Variants in NALF1 observed in about 807,000 individuals in gnomAD.
NALF1 encodes family with sequence similarity 155 member A.
In NALF1, 3 loss-of-function variants were observed where a neutral mutation model predicts 48.4. That is an observed-to-expected ratio of 0.06 (90% CI 0.03 to 0.16). The LOEUF is 0.16. NALF1 is among the 10% of genes least tolerant of loss of function. The pLI is 1.00. For missense variants in NALF1, 526 were observed against 571.5 expected (o/e 0.92, Z 0.81); for synonymous variants, 262 against 245.7 (o/e 1.07, Z -0.62).
At chr13:107,467,293 C>T (rs987548287) in intron 1 of NALF1, among the ~76,000 whole-genome samples, 17 of 109,434 alleles carry the variant, frequency 1.6e-4, no homozygotes, top group Non-Finnish European at 3.7e-4. Context: ...AAAATCTGTC[C>T]GATTTTGGCA....
chr13:107,753,977 A>G (rs1877012936), intron 1 of NALF1, among the ~76,000 whole-genome samples: 1 of 152,156 alleles, frequency 6.6e-6, no homozygotes, highest in Non-Finnish European at 1.5e-5. Flanking sequence ...TCCACGTGCT[A>G]AAAAGAGGTA....
intron 1 of NALF1, among the ~76,000 whole-genome samples, chr13:107,754,450 A>G (rs1010608292): frequency 2.0e-5 from 3 of 152,082 alleles, no homozygotes; most frequent in Admixed American, 6.6e-5. Flanking sequence ...GCAAAATTCC[A>G]AAGAGAAGCA....
chr13:107,368,590 G>T (rs1041563507), intron 1 of NALF1, among the ~76,000 whole-genome samples: 1 of 152,134 alleles, frequency 6.6e-6, no homozygotes, highest in Non-Finnish European at 1.5e-5. Flanking sequence ...GGCATGCCTC[G>T]GCTTGCAGCC....
chr13:107,747,330 A>T (rs1208549861), intron 1 of NALF1, among the ~76,000 whole-genome samples: 1 of 152,180 alleles, frequency 6.6e-6, no homozygotes, highest in Non-Finnish European at 1.5e-5. Flanking sequence ...ATCTTGTACA[A>T]CTAACTTCAA....
chr13:107,304,357 T>C (rs1245677288), intron 1 of NALF1, among the ~76,000 whole-genome samples: 1 of 152,224 alleles, frequency 6.6e-6, no homozygotes, highest in Admixed American at 6.5e-5. Flanking sequence ...AAACGAGAGA[T>C]GGAATTGTAA....
chr13:107,795,054 G>A (rs1418558834), intron 1 of NALF1, among the ~76,000 whole-genome samples: 1 of 152,058 alleles, frequency 6.6e-6, no homozygotes, highest in Non-Finnish European at 1.5e-5. Flanking sequence ...ATGTTTATTT[G>A]CATACAAAAG....
At chr13:107,433,202 T>A (rs920614619) in intron 1 of NALF1, among the ~76,000 whole-genome samples, 1 of 152,148 alleles carries the variant, frequency 6.6e-6, no homozygotes, top group African/African-American at 2.4e-5. Flanking sequence ...CAAATGGCCA[T>A]TTTGGTAATT....
At chr13:107,199,417 A>G (rs1483375624) in intron 2 of NALF1, among the ~76,000 whole-genome samples, 2 of 152,208 alleles carry the variant, frequency 1.3e-5, no homozygotes, top group Non-Finnish European at 2.9e-5. Flanking sequence ...ACTAACACAT[A>G]CACTAATTAC....
intron 1 of NALF1, among the ~76,000 whole-genome samples, chr13:107,305,782 A>G (rs183055383): frequency 6.6e-6 from 1 of 152,346 alleles, no homozygotes; most frequent in East Asian, 1.9e-4. Context: ...CTTTACACCT[A>G]AAATTCTAGA....
Position 107,678,309 on chromosome 13 carries a change from G to A in NALF1, c.915+187373C>T, listed in dbSNP as rs376514723. 4.6e-5 allele frequency among the ~76,000 whole-genome samples: 7 copies of A among 152,264 alleles called. No individual in the cohort carries two copies. In the East Asian group the frequency reaches 9.7e-4, roughly 21 times the overall value. On this transcript the variant is annotated intron_variant, in intron 1 of 2. Coordinates refer to ENST00000375915, the MANE Select transcript of NALF1 (RefSeq NM_001080396.3). ...AGGTGTGTGAGGGCCACGACAGGGA[G>A]GGGAGATGGGTAGGAATCTCAAGGT...
intron 1 of NALF1, among the ~76,000 whole-genome samples, chr13:107,606,755 T>G: frequency 6.6e-6 from 1 of 152,208 alleles, no homozygotes; most frequent in South Asian, 2.1e-4. Flanking sequence ...AAAATTGGCT[T>G]TCAAGCTGAA....
intron 1 of NALF1, among the ~76,000 whole-genome samples, chr13:107,578,293 A>G (rs1878210400): frequency 6.6e-6 from 1 of 151,942 alleles, no homozygotes; most frequent in African/African-American, 2.4e-5. Context: ...TCTCTCCCTC[A>G]TGGACAATTT....
At chr13:107,851,017 T>C (rs975857487) in intron 1 of NALF1, among the ~76,000 whole-genome samples, 1 of 152,228 alleles carries the variant, frequency 6.6e-6, no homozygotes, top group African/African-American at 2.4e-5. Context: ...CCTGCTTCTC[T>C]GCACATCCTA....
chr13:107,336,397 A>T (rs907544466), intron 1 of NALF1, among the ~76,000 whole-genome samples: 2 of 146,056 alleles, frequency 1.4e-5, no homozygotes, highest in Non-Finnish European at 3.0e-5. Context: ...ATAATAAAAA[A>T]TCTAATATCT....
chr13:107,635,499 T>C (rs1393006586), intron 1 of NALF1, among the ~76,000 whole-genome samples: 1 of 151,996 alleles, frequency 6.6e-6, no homozygotes, highest in African/African-American at 2.4e-5. Context: ...CAATTCAGGA[T>C]GAGATTTTGG....
intron 1 of NALF1, among the ~76,000 whole-genome samples, chr13:107,819,726 GTCTCTC>G (rs141973692): frequency 1.6e-5 from 2 of 121,534 alleles, no homozygotes; most frequent in South Asian, 2.8e-4. Context: ...TCTGGAAACT[GTCTCTC>G]TCTCTCTCTC....
chr13:107,213,246 A>AAG lies in NALF1; in HGVS notation c.916-2492_916-2491insCT, dbSNP rs1555326878. Among the ~76,000 whole-genome samples the AAG allele has an allele frequency of 1.7e-3, 252 of 148,888 alleles. 1 individual carries two copies. Among genetic ancestry groups the AAG allele is most frequent in the African/African-American group, 5.9e-3 (239 of 40,496 alleles). On this transcript the variant is annotated intron_variant, in intron 1 of 2. Coordinates refer to ENST00000375915, the MANE Select transcript of NALF1 (RefSeq NM_001080396.3). ...TTTTTAACTCAAAAAAAAAAAAAAA[A>AAG]AAAAGAAAAGAAAAAGAAACTAGTA...
chr13:107,821,500 T>G (rs780447156), intron 1 of NALF1, among the ~76,000 whole-genome samples: 4 of 152,232 alleles, frequency 2.6e-5, no homozygotes, highest in African/African-American at 9.6e-5. Context: ...TGCAGAATTC[T>G]TTCCAAAAAC....
intron 1 of NALF1, among the ~76,000 whole-genome samples, chr13:107,383,885 T>C (rs1391480492): frequency 6.6e-6 from 1 of 152,218 alleles, no homozygotes; most frequent in African/African-American, 2.4e-5. Context: ...GCTAGTCCAT[T>C]TCTAATGCAC....
Sources: gnomAD v4.1 joint callset for allele counts (sites outside exome capture counted in the v4.1 genomes callset) on GRCh38, gnomAD v4.1.1 for gene constraint, MANE v1.5 for transcripts, NCBI Gene and HGNC (gene_info 2026-07-23, HGNC 2026-07-21) for gene names.